FANCB: variants seen among roughly 807,000 people sequenced by gnomAD.
The protein encoded by FANCB is FA complementation group B.
A neutral mutation model predicts 38.9 loss-of-function variants in FANCB; 5 were observed. The observed-to-expected ratio is 0.13, with a 90% confidence interval of 0.07 to 0.27. The LOEUF (loss-of-function observed/expected upper bound fraction) is 0.27, where lower values mean the gene tolerates loss of function less well. Ranked by LOEUF, FANCB falls within the 10% of genes least tolerant of loss-of-function variation. The pLI is 1.00. For synonymous variants in FANCB, 236 were observed against 215.4 expected (o/e 1.10, Z -0.84); for missense variants, 573 against 602.7 (o/e 0.95, Z 0.52).
intron 2 of FANCB, among the ~76,000 whole-genome samples, chrX:14,867,757 C>G (rs998053318): frequency 3.9e-5 from 4 of 103,877 alleles, no homozygotes; most frequent in Non-Finnish European, 7.9e-5. Context: ...AAGCTTTTGC[C>G]CAGCCAAAAA....
At chrX:14,869,971 T>C (rs2092487709) in intron 1 of FANCB, among the ~76,000 whole-genome samples, 1 of 112,547 alleles carries the variant, frequency 8.9e-6, no homozygotes, top group African/African-American at 3.2e-5. Context: ...TTTACATATA[T>C]GTGCATATCC....
chrX:14,800,653 CG>C, the FANCB span, among the ~76,000 whole-genome samples: 2 of 111,740 alleles, frequency 1.8e-5, no homozygotes, highest in Non-Finnish European at 3.8e-5. Context: ...TCCTCTTGTA[CG>C]GAACCCACAT....
the FANCB span, among the ~76,000 whole-genome samples, chrX:14,805,491 A>T: frequency 9.0e-6 from 1 of 110,679 alleles, no homozygotes; most frequent in Non-Finnish European, 1.9e-5. Context: ...TGGAGAACAC[A>T]CCATCACCCC....
chrX:14,707,556 ACCCACCC>A, the FANCB span, among the ~76,000 whole-genome samples: 25 of 72,025 alleles, frequency 3.5e-4, no homozygotes, highest in African/African-American at 1.3e-3. Flanking sequence ...TAGTTTTTTA[ACCCACCC>A]CCCACCCTCC....
At chrX:14,853,018 T>C (rs1156796309) in intron 6 of FANCB, 21 bp downstream of exon 6, 1 of 1,178,229 alleles carries the variant, frequency 8.5e-7, no homozygotes, top group African/African-American at 1.7e-5. Context: ...AATGATAAAA[T>C]GGTCACATGA....
the FANCB span, among the ~76,000 whole-genome samples, chrX:14,809,988 C>A: frequency 8.9e-6 from 1 of 111,951 alleles, no homozygotes; most frequent in Admixed American, 9.4e-5. Context: ...GACAAAAATT[C>A]CAGAGAAACG....
the FANCB span, among the ~76,000 whole-genome samples, chrX:14,745,078 T>C: frequency 4.5e-5 from 5 of 111,948 alleles, no homozygotes; most frequent in Admixed American, 1.9e-4. Flanking sequence ...AACCTCAGGA[T>C]TGAAATGAAT....
the FANCB span, among the ~76,000 whole-genome samples, chrX:14,753,423 G>C: frequency 3.6e-5 from 4 of 112,205 alleles, no homozygotes; most frequent in Non-Finnish European, 7.5e-5. Context: ...CTTATCTATT[G>C]CTATGTCATA....
chrX:14,752,141 T>C, the FANCB span, among the ~76,000 whole-genome samples: 1 of 111,657 alleles, frequency 9.0e-6, no homozygotes, highest in Non-Finnish European at 1.9e-5. Context: ...GTCCTTGCAA[T>C]TTATATATTA....
At chrX:14,706,745 A>G in the FANCB span, among the ~76,000 whole-genome samples, 1 of 112,277 alleles carries the variant, frequency 8.9e-6, no homozygotes, top group Non-Finnish European at 1.9e-5. Context: ...AACAGGATCC[A>G]TGATAGAGTG....
At chrX:14,730,225 G>A in the FANCB span, 1 of 1,203,349 alleles carries the variant, frequency 8.3e-7, no homozygotes, top group Non-Finnish European at 1.1e-6. Flanking sequence ...CGTTACTCGT[G>A]AAAGTCGTTT....
chrX:14,708,867 C>T, the FANCB span, among the ~76,000 whole-genome samples: 12 of 109,725 alleles, frequency 1.1e-4, no homozygotes, highest in South Asian at 3.9e-4. Context: ...ACCTGGGAGG[C>T]GGAGGTTGCG....
At chrX:14,748,621 T>G in the FANCB span, among the ~76,000 whole-genome samples, 1 of 112,677 alleles carries the variant, frequency 8.9e-6, no homozygotes, top group Non-Finnish European at 1.9e-5. Context: ...TACTTCCTTC[T>G]TGGAAATAGA....
At chrX:14,745,844 C>T in the FANCB span, among the ~76,000 whole-genome samples, 11 of 107,333 alleles carry the variant, frequency 1.0e-4, no homozygotes, top group East Asian at 1.8e-3. Flanking sequence ...GGACTACAGG[C>T]GCCCACCACC....
chrX:14,708,321 A>G, the FANCB span, among the ~76,000 whole-genome samples: 1 of 111,608 alleles, frequency 9.0e-6, no homozygotes, highest in Non-Finnish European at 1.9e-5. Context: ...CAGGCCAGGT[A>G]AACAAATTCA....
chrX:14,834,823 C>T, downstream of FANCB: 1 of 556,959 alleles, frequency 1.8e-6, no homozygotes, highest in South Asian at 2.3e-5. Context: ...AAATCATCAT[C>T]ATCATCATCA....
chrX:14,741,676 C>T, the FANCB span, among the ~76,000 whole-genome samples: 1 of 111,863 alleles, frequency 8.9e-6, no homozygotes, highest in East Asian at 2.8e-4. Flanking sequence ...CTATCAAATA[C>T]TCTTAACTCA....
the FANCB span, among the ~76,000 whole-genome samples, chrX:14,761,115 A>T: frequency 4.4e-5 from 5 of 112,460 alleles, no homozygotes; most frequent in Non-Finnish European, 9.4e-5. Context: ...AGTTCTCTTA[A>T]GGAAAGATTG....
At chrX:14,813,343 G>C in the FANCB span, among the ~76,000 whole-genome samples, 1 of 107,800 alleles carries the variant, frequency 9.3e-6, no homozygotes, top group Non-Finnish European at 1.9e-5. Context: ...AGGAAATAAA[G>C]GGTATTCAAT....
Sources: allele counts gnomAD v4.1 joint callset (sites outside exome capture counted in the v4.1 genomes callset), GRCh38; gene constraint gnomAD v4.1.1; transcripts MANE v1.5; gene names NCBI Gene and HGNC (gene_info 2026-07-23, HGNC 2026-07-21).